LIN7A: variants seen among roughly 807,000 people sequenced by gnomAD.
LIN7A encodes the protein lin-7 cell polarity scaffold A.
A neutral mutation model predicts 29.8 loss-of-function variants in LIN7A; 25 were observed. The ratio of observed to expected loss-of-function variants is 0.84; its 90% CI spans 0.61 to 1.17. The LOEUF (loss-of-function observed/expected upper bound fraction) is 1.17, where lower values mean the gene tolerates loss of function less well. LIN7A is among the 50% of genes most tolerant of loss of function. LIN7A has a pLI of 0.00. For synonymous variants in LIN7A, 118 were observed against 107.5 expected, an observed-to-expected ratio of 1.10 and a Z score of -0.60; for missense variants, 239 against 287.0, an observed-to-expected ratio of 0.83 and a Z score of 1.21.
intron 4 of LIN7A, among the ~76,000 whole-genome samples, chr12:80,826,923 A>G (rs932095041): frequency 6.6e-6 from 1 of 152,194 alleles, no homozygotes; most frequent in Non-Finnish European, 1.5e-5. Context: ...ACCTTGCTAC[A>G]TTGATGGTTT....
intron 4 of LIN7A, among the ~76,000 whole-genome samples, chr12:80,828,884 A>G (rs12425130): frequency 0.36 from 54,769 of 151,956 alleles, 10,184 homozygotes; most frequent in Non-Finnish European, 0.42. Context: ...GTGTTTCTAC[A>G]CGTGGAGAGA....
intron 2 of LIN7A, among the ~76,000 whole-genome samples, chr12:80,864,492 A>T (rs1363071339): frequency 6.6e-6 from 1 of 152,132 alleles, no homozygotes; most frequent in Non-Finnish European, 1.5e-5. Flanking sequence ...ATGTGTTTTC[A>T]TTAGGAACAT....
At chr12:80,866,073 A>G (rs1389832719) in intron 2 of LIN7A, among the ~76,000 whole-genome samples, 1 of 152,234 alleles carries the variant, frequency 6.6e-6, no homozygotes, top group Non-Finnish European at 1.5e-5. Context: ...AGTGACAAAG[A>G]TAACTAATCT....
Position 80,858,710 on chromosome 12 carries a change from A to G in LIN7A, c.202-10388T>C, listed in dbSNP as rs73360946. Among the ~76,000 whole-genome samples, 828 of 152,232 alleles carry G rather than the reference A, an allele frequency of 5.4e-3. 9 individuals are homozygous for G. The highest frequency in any genetic ancestry group is 0.018 in the African/African-American group (758 of 41,552). On this transcript the variant is annotated intron_variant, in intron 2 of 5. Coordinates refer to ENST00000552864, the MANE Select transcript of LIN7A (RefSeq NM_004664.4). Reference sequence around the variant, plus strand: ...TGCTTATTTTGGGTAAAATTCAAACAAGGTTTGGGGCTTCAAATATGCCTT... The same window carrying G: ...TGCTTATTTTGGGTAAAATTCAAACGAGGTTTGGGGCTTCAAATATGCCTT...
chr12:80,928,789 A>G (rs1877738302), intron 1 of LIN7A, among the ~76,000 whole-genome samples: 1 of 151,984 alleles, frequency 6.6e-6, no homozygotes, highest in African/African-American at 2.4e-5. Flanking sequence ...CCTGAATGGT[A>G]TTGCCTAGGT....
intron 2 of LIN7A, among the ~76,000 whole-genome samples, chr12:80,859,595 T>A (rs909614533): frequency 6.6e-6 from 1 of 152,202 alleles, no homozygotes; most frequent in African/African-American, 2.4e-5. Context: ...AGCCCAGCCT[T>A]AATCATATTG....
At chr12:80,927,946 G>T (rs920018198) in intron 1 of LIN7A, among the ~76,000 whole-genome samples, 1 of 152,102 alleles carries the variant, frequency 6.6e-6, no homozygotes, top group Non-Finnish European at 1.5e-5. Flanking sequence ...CTATGAGTGA[G>T]AATATGCGGT....
chr12:80,809,570 T>C (rs1871191764), intron 5 of LIN7A, among the ~76,000 whole-genome samples: 1 of 152,234 alleles, frequency 6.6e-6, no homozygotes, highest in Non-Finnish European at 1.5e-5. Flanking sequence ...ATTCTATGTT[T>C]CTGTAAATGC....
chr12:80,901,040 T>C (rs1311268185), intron 1 of LIN7A, among the ~76,000 whole-genome samples: 1 of 152,178 alleles, frequency 6.6e-6, no homozygotes, highest in Non-Finnish European at 1.5e-5. Flanking sequence ...TATTTTAAAG[T>C]ACATTATCCA....
chr12:80,855,181 A>T (rs2121549638), intron 2 of LIN7A, among the ~76,000 whole-genome samples: 1 of 152,192 alleles, frequency 6.6e-6, no homozygotes, highest in East Asian at 1.9e-4. Flanking sequence ...TTATCTCAAG[A>T]GGGAAAAAAG....
chr12:80,905,875 C>T (rs1876451440), intron 1 of LIN7A, among the ~76,000 whole-genome samples: 1 of 151,524 alleles, frequency 6.6e-6, no homozygotes, highest in East Asian at 1.9e-4. Flanking sequence ...GTCTCTTTTT[C>T]ATAGCAGCTT....
intron 4 of LIN7A, among the ~76,000 whole-genome samples, chr12:80,833,430 C>T (rs888228722): frequency 1.1e-4 from 16 of 152,328 alleles, no homozygotes; most frequent in African/African-American, 2.9e-4. Context: ...CAGTTAAGAC[C>T]TCCACCATGT....
chr12:80,829,492 A>C (rs1592870088), intron 4 of LIN7A, among the ~76,000 whole-genome samples: 1 of 152,208 alleles, frequency 6.6e-6, no homozygotes, highest in Non-Finnish European at 1.5e-5. Flanking sequence ...TATATAGGCT[A>C]TAAATCCATG....
At chr12:80,935,859 C>G (rs775682921) in intron 1 of LIN7A, 3 of 450,956 alleles carry the variant, frequency 6.7e-6, no homozygotes, top group African/African-American at 5.9e-5. Context: ...AATCTTAGTC[C>G]GATTAGCACC....
At chr12:80,826,269 T>C (rs778058191) in intron 4 of LIN7A, among the ~76,000 whole-genome samples, 76 of 152,356 alleles carry the variant, frequency 5.0e-4, no homozygotes, top group Non-Finnish European at 7.2e-4. Context: ...ATGCTCTAAC[T>C]GGCTCTAACC....
In LIN7A at chr12:80,889,647, A is replaced by G. The variant is rs1000418029; in HGVS notation, c.83-278T>C. The stretch of plus-strand genomic sequence containing the variant: ...ATATTATGTCAGTAAAGAGTTGGAC[A>G]CATGTCTATTATTTATTCTGATACT... On this transcript the variant is annotated intron_variant, in intron 1 of 5. Coordinates refer to ENST00000552864, the MANE Select transcript of LIN7A (RefSeq NM_004664.4). Among the ~76,000 whole-genome samples, 5 of 152,196 alleles carry G rather than the reference A, an allele frequency of 3.3e-5. 1 individual carries two copies. The highest frequency in any genetic ancestry group is 1.2e-4 in the African/African-American group (5 of 41,456).
At chr12:80,905,704 G>A (rs2120763065) in intron 1 of LIN7A, among the ~76,000 whole-genome samples, 2 of 152,134 alleles carry the variant, frequency 1.3e-5, no homozygotes, top group South Asian at 2.1e-4. Flanking sequence ...ATGGCATCTT[G>A]GTAACATTTC....
intron 1 of LIN7A, among the ~76,000 whole-genome samples, chr12:80,925,449 A>T: frequency 6.6e-6 from 1 of 152,218 alleles, no homozygotes; most frequent in Non-Finnish European, 1.5e-5. Flanking sequence ...GTCTCTTGGC[A>T]GGAGGGTGGA....
chr12:80,873,944 T>C (rs1393116464), intron 2 of LIN7A, among the ~76,000 whole-genome samples: 1 of 152,050 alleles, frequency 6.6e-6, no homozygotes, highest in Admixed American at 6.6e-5. Context: ...TAGGGCTGGG[T>C]TCTGTAGCTG....
Sources: gnomAD v4.1 joint callset for allele counts (sites outside exome capture counted in the v4.1 genomes callset) on GRCh38, gnomAD v4.1.1 for gene constraint, MANE v1.5 for transcripts, NCBI Gene and HGNC (gene_info 2026-07-23, HGNC 2026-07-21) for gene names.